Variants in SPTBN5 observed in about 807,000 individuals in gnomAD.
SPTBN5 encodes spectrin beta, non-erythrocytic 5.
In SPTBN5, 513 loss-of-function variants were observed where a neutral mutation model predicts 477.6. That is an observed-to-expected ratio of 1.07 (90% confidence interval 1.00 to 1.16). The LOEUF is 1.16. Ranked by LOEUF, SPTBN5 falls within the 50% of genes most tolerant of loss-of-function variation. SPTBN5 has a pLI of 0.00. For synonymous variants in SPTBN5, 2,169 were observed against 2,011.7 expected (o/e 1.08, Z -2.09); for missense variants, 5,062 against 4,731.8 (o/e 1.07, Z -2.05).
intron 66 of SPTBN5, 60 bp downstream of exon 66, chr15:41,850,794 C>G: frequency 1.4e-6 from 2 of 1,451,210 alleles, no homozygotes; most frequent in Non-Finnish European, 1.9e-6. Flanking sequence ...CACTAGGGGC[C>G]CAGGAGCTTG....
At chr15:41,880,989 G>T (rs1315144627) in intron 13 of SPTBN5, 45 bp downstream of exon 13, 7 of 1,514,320 alleles carry the variant, frequency 4.6e-6, no homozygotes, top group Non-Finnish European at 5.4e-6. Flanking sequence ...AGGAGCTGCT[G>T]GCACAGAGTA....
In SPTBN5 at chr15:41,885,891, G is replaced by A. The variant is rs777889567; in HGVS notation, c.1364C>T (p.Pro455Leu). ...AEQVLDQARA[P>L]PASLATVEAA... ...CTCCACTGTGGCCAGGCTGGCTGGC[G>A]GGGCTCTGGCCTGGTCTAGCACCTG... Residue 455 changes from proline (P) to leucine (L), a missense_variant, in exon 7 of 68, where the codon CCG (proline) becomes CTG (leucine). Physicochemically the swap from Pro to Leu is moderately conservative, Grantham distance 98. Coordinates refer to ENST00000320955, the MANE Select transcript of SPTBN5 (RefSeq NM_016642.4). 12 of 1,583,622 alleles carry A rather than the reference G, an allele frequency of 7.6e-6. No individual in the cohort carries two copies. Among genetic ancestry groups the A allele is most frequent in the East Asian group, 4.6e-5 (2 of 43,134 alleles).
rs746646605 is a variant in SPTBN5, at chr15:41,851,868, G to A, written c.10585-18C>T. The A allele has an allele frequency of 6.2e-7, 1 of 1,604,644 alleles. No individual in the cohort carries two copies. The highest frequency in any genetic ancestry group is 2.1e-4 in the Middle Eastern group (1 of 4,656). On this transcript the variant is annotated intron_variant, in intron 62 of 67. Transcript: ENST00000320955. ...TTTGCATCCTGAAAATGCAAGATGG[G>A]GCCCAGAAATGTCAGGACCAGCACC...
chr15:41,883,437 C>T lies in SPTBN5; in HGVS notation c.1570G>A (p.Gly524Arg). 6.2e-7 allele frequency: 1 copy of T among 1,613,952 alleles called. No homozygotes were observed. Among genetic ancestry groups the T allele is most frequent in the Non-Finnish European group, 8.5e-7 (1 of 1,179,888 alleles). Residue 524 changes from glycine (G) to arginine (R), a missense_variant, in exon 8 of 68, where the codon GGA becomes AGA. By Grantham distance (125) the Gly-to-Arg change is moderately radical. Coordinates refer to ENST00000320955, the MANE Select transcript of SPTBN5 (RefSeq NM_016642.4). Reference protein sequence around the residue: ...RWQRLLQHLQGQRKQVADMQA... With the variant: ...RWQRLLQHLQRQRKQVADMQA... ...ATGTCTGCCACCTGCTTCCTCTGTC[C>T]CTGTAGATGCTGAAGGAGCCTCTGC...
rs1428336539 is a variant in SPTBN5 at position 41,868,116 on chromosome 15, A to G, written c.6160T>C (p.Phe2054Leu). Reference sequence around the variant, plus strand: ...TCCAGGCGGCCGCACTCTCTGAGGAAGAGCTGCTCCTGCTGCTCGGCCTGC... The same window carrying G: ...TCCAGGCGGCCGCACTCTCTGAGGAGGAGCTGCTCCTGCTGCTCGGCCTGC... Reference protein sequence around the residue: ...RLQAEQQEQLFLRECGRLEEI... With the variant: ...RLQAEQQEQLLLRECGRLEEI... Residue 2054 changes from phenylalanine (F) to leucine (L), a missense_variant, in exon 34 of 68, where the codon TTC becomes CTC. Coordinates refer to ENST00000320955, the MANE Select transcript of SPTBN5 (RefSeq NM_016642.4). The G allele has an allele frequency of 1.2e-6, 2 of 1,602,128 alleles. No homozygotes were observed. Among genetic ancestry groups the G allele is most frequent in the Non-Finnish European group, 8.5e-7 (1 of 1,175,816 alleles).
At chr15:41,874,181 G>A (rs1194917581) in intron 24 of SPTBN5, 111 bp downstream of exon 24, 1 of 1,502,290 alleles carries the variant, frequency 6.7e-7, no homozygotes, top group African/African-American at 1.4e-5. Flanking sequence ...TTGGAAATTG[G>A]GATACCCAGG....
chr15:41,876,630 T>C lies in SPTBN5; in HGVS notation c.3869A>G (p.Gln1290Arg). Residue 1290 changes from glutamine to arginine, a missense_variant, in exon 20 of 68, where the codon CAG becomes CGG. Coordinates refer to ENST00000320955, the MANE Select transcript of SPTBN5 (RefSeq NM_016642.4). Reference sequence around the variant, plus strand: ...CCTGGTCCACTGTGCCTGGATACTCTGCAGCTGCTCTCTGACCCTGGAGGG... The same window carrying C: ...CCTGGTCCACTGTGCCTGGATACTCCGCAGCTGCTCTCTGACCCTGGAGGG... ...PAAHTVREQL[Q>R]SIQAQWTRLQ... 2 of 1,377,514 alleles carry C rather than the reference T, an allele frequency of 1.5e-6. No individual in the cohort carries two copies. The highest frequency in any genetic ancestry group is 1.6e-5 in the African/African-American group (1 of 61,236). The allele number at this position is 1,377,514 out of a possible 1,614,324, so 85.3% of individuals were successfully genotyped here.
chr15:41,886,721 G>C (rs2067164178), intron 6 of SPTBN5, among the ~76,000 whole-genome samples: 1 of 152,086 alleles, frequency 6.6e-6, no homozygotes, highest in African/African-American at 2.4e-5. Context: ...ACAGCCCTTG[G>C]CCTGTGTCAC....
rs1025213704 is a variant in SPTBN5, at chr15:41,854,183, A to T, written c.9641T>A (p.Val3214Asp). Residue 3214 changes from valine to aspartate, a missense_variant, in exon 57 of 68, where the codon GTC becomes GAC. Physicochemically the swap from Val to Asp is radical, Grantham distance 152. Coordinates refer to ENST00000320955, the MANE Select transcript of SPTBN5 (RefSeq NM_016642.4). ...AGCTGCTGCCTGCTGAAAGCTGTGG[A>T]CCTCATGGGCTGCAGCCAAGTTCTG... is the stretch of plus-strand genomic sequence containing the variant. ...RTENLAAAHE[V>D]HSFQQAAAEL... The T allele has an allele frequency of 1.9e-6, 3 of 1,600,064 alleles. No homozygotes were observed. The highest frequency in any genetic ancestry group is 2.6e-6 in the Non-Finnish European group (3 of 1,173,682).
At chr15:41,892,357 T>C (rs754875169) in intron 3 of SPTBN5, among the ~76,000 whole-genome samples, 3 of 151,622 alleles carry the variant, frequency 2.0e-5, no homozygotes, top group Non-Finnish European at 2.9e-5. Flanking sequence ...TCCCTGGAGC[T>C]CCGGCCTCCT....
Position 41,871,778 on chromosome 15 carries a change from T to C in SPTBN5, c.5301+4A>G. ...ACCCTCCTTGACCCTGGCCCTCTTC[T>C]CACCAGGGCGTGCTCGGGGTCCTCT... On this transcript the variant is annotated splice_donor_region_variant and intron_variant, in intron 28 of 67. Transcript: ENST00000320955. 6.3e-7 allele frequency: 1 copy of C among 1,576,638 alleles called. No individual in the cohort carries two copies. The highest frequency in any genetic ancestry group is 8.6e-7 in the Non-Finnish European group (1 of 1,160,116).
intron 66 of SPTBN5, 72 bp from the exon 67 acceptor site, chr15:41,850,031 T>C (rs2065699903): frequency 1.6e-6 from 2 of 1,266,382 alleles, no homozygotes; most frequent in Middle Eastern, 1.8e-4. Flanking sequence ...GGCTGCTCCT[T>C]CCTCCAGCTT....
rs763920798 is a variant in SPTBN5, at chr15:41,866,473, C to T, written c.6501G>A (p.Ala2167=). Reference sequence around the variant, plus strand: ...CCGGCTCCTTCAGCTGCTGGGCCCACGCCTGGATCCAGTCCTCAGCCTGGT... The same window carrying T: ...CCGGCTCCTTCAGCTGCTGGGCCCATGCCTGGATCCAGTCCTCAGCCTGGT... The part of the protein sequence containing the change: ...AATQAEDWIQ[A]WAQQLKEPVP... The change falls in exon 37 of 68, where the codon GCG becomes GCA. Residue 2167 remains alanine, a synonymous_variant. Transcript: ENST00000320955. 35 of 1,582,344 alleles carry T rather than the reference C, an allele frequency of 2.2e-5. No homozygotes were observed. The highest frequency in any genetic ancestry group is 1.6e-4 in the East Asian group (7 of 44,414).
At chr15:41,862,758 C>T (rs1276087196) in intron 42 of SPTBN5, 32 bp downstream of exon 42, 1 of 1,549,286 alleles carries the variant, frequency 6.5e-7, no homozygotes, top group Non-Finnish European at 8.7e-7. Flanking sequence ...TCAGGAGATG[C>T]CCTGGGCCCA....
In SPTBN5 at chr15:41,849,953, C is replaced by G. The variant is rs1432856654; in HGVS notation, c.10928G>C (p.Ser3643Thr). Residue 3643 changes from serine to threonine, a missense_variant, in exon 67 of 68, where the codon AGT becomes ACT. Physicochemically the swap from Ser to Thr is moderately conservative, Grantham distance 58. Transcript: ENST00000320955. The part of the protein sequence containing the change: ...WRALGSTAAQ[S>T]LSPKLKAKPV... ...TTTGGCTTTGAGTTTTGGGCTCAGACTCTGGGCTGCAGAGCAAGGGAATAA... is the reference window on the plus strand; with the variant it reads ...TTTGGCTTTGAGTTTTGGGCTCAGAGTCTGGGCTGCAGAGCAAGGGAATAA... 6.3e-7 allele frequency: 1 copy of G among 1,589,948 alleles called. No homozygotes were observed. Among genetic ancestry groups the G allele is most frequent in the Non-Finnish European group, 8.6e-7 (1 of 1,167,786 alleles).
At chr15:41,876,385 T>C in intron 20 of SPTBN5, 101 bp from the exon 21 acceptor site, 1 of 1,436,486 alleles carries the variant, frequency 7.0e-7, no homozygotes, top group Non-Finnish European at 9.3e-7. Context: ...CCTGTTTTCC[T>C]CCTCAGGAAA....
At position 41,854,088 on chromosome 15, in the gene SPTBN5, A is replaced by AT. The variant is rs1245056061; in HGVS notation, c.9735dup (p.Ser3246IlefsTer99). ...TGCTGTTGCTGCAGGGTCCGCACAGATGACAGGCTGTGGCCTCCGTCCTCC... is the reference window on the plus strand; with the variant it reads ...TGCTGTTGCTGCAGGGTCCGCACAGATTGACAGGCTGTGGCCTCCGTCCTCC... On this transcript the variant is annotated frameshift_variant, in exon 57 of 68. Coordinates refer to ENST00000320955, the MANE Select transcript of SPTBN5 (RefSeq NM_016642.4). LOFTEE classifies it high-confidence loss of function. 1 of 1,580,730 alleles carries AT rather than the reference A, an allele frequency of 6.3e-7. No individual in the cohort carries two copies. Among genetic ancestry groups the AT allele is most frequent in the South Asian group, 1.2e-5 (1 of 86,462 alleles).
intron 5 of SPTBN5, 69 bp downstream of exon 5, chr15:41,887,859 G>A (rs1322620269): frequency 1.3e-6 from 2 of 1,491,812 alleles, no homozygotes; most frequent in Non-Finnish European, 9.1e-7. Flanking sequence ...GAACGGGTGG[G>A]CTGAGGACCC....
chr15:41,852,755 G>C lies in SPTBN5; in HGVS notation c.10348-20C>G. On this transcript the variant is annotated intron_variant, in intron 60 of 67. Coordinates refer to ENST00000320955, the MANE Select transcript of SPTBN5 (RefSeq NM_016642.4). ...TGAGTGCTGGGGAGAAGCATGTTCA[G>C]GTGACGCCCAGCTTGGGGGGGGGGG... The C allele has an allele frequency of 6.2e-7, 1 of 1,609,768 alleles. No individual in the cohort carries two copies. The highest frequency in any genetic ancestry group is 8.5e-7 in the Non-Finnish European group (1 of 1,178,746).
Sources: allele counts gnomAD v4.1 joint callset (sites outside exome capture counted in the v4.1 genomes callset), GRCh38; gene constraint gnomAD v4.1.1; transcripts MANE v1.5; gene names NCBI Gene and HGNC (gene_info 2026-07-23, HGNC 2026-07-21).